PRKG1: variants seen among roughly 807,000 people sequenced by gnomAD.
PRKG1 encodes the protein cGMP-dependent protein kinase 1.
A neutral mutation model predicts 88.1 loss-of-function variants in PRKG1; 35 were observed. The ratio of observed to expected loss-of-function variants is 0.40; its 90% CI spans 0.30 to 0.53. The LOEUF is 0.53. Ranked by LOEUF, PRKG1 falls within the 20% of genes least tolerant of loss-of-function variation. PRKG1 has a pLI of 0.59. For missense variants in PRKG1, 540 were observed against 839.8 expected (o/e 0.64, Z 4.41); for synonymous variants, 303 against 292.5 (o/e 1.04, Z -0.37).
At chr10:52,133,312 C>G (rs1589635567) in intron 7 of PRKG1, among the ~76,000 whole-genome samples, 1 of 152,030 alleles carries the variant, frequency 6.6e-6, no homozygotes, top group East Asian at 1.9e-4. Flanking sequence ...CTTGAAGAAC[C>G]ATAACTTCTG....
chr10:51,820,061 C>A (rs7915353), intron 4 of PRKG1, among the ~76,000 whole-genome samples: 31,771 of 151,828 alleles, frequency 0.21, 5,310 homozygotes, highest in African/African-American at 0.46. Context: ...TTTTATAAAA[C>A]TTATAGAAAC....
At chr10:51,236,015 G>A (rs1297098932) in intron 2 of PRKG1, among the ~76,000 whole-genome samples, 1 of 152,170 alleles carries the variant, frequency 6.6e-6, no homozygotes, top group Non-Finnish European at 1.5e-5. Context: ...AGTTTCTGGT[G>A]TAGCTGCTTT....
intron 1 of PRKG1, among the ~76,000 whole-genome samples, chr10:51,060,152 T>A (rs1173286087): frequency 6.6e-6 from 1 of 151,750 alleles, no homozygotes; most frequent in Non-Finnish European, 1.5e-5. Flanking sequence ...GTGTTTGGAT[T>A]ATATTTACCA....
At chr10:52,190,498 C>T (rs1589687854) in intron 9 of PRKG1, among the ~76,000 whole-genome samples, 1 of 151,980 alleles carries the variant, frequency 6.6e-6, no homozygotes, top group African/African-American at 2.4e-5. Context: ...GCCCTTAGTA[C>T]GTGTCAAGCA....
intron 3 of PRKG1, among the ~76,000 whole-genome samples, chr10:51,772,167 G>A (rs988733288): frequency 6.6e-6 from 1 of 152,048 alleles, no homozygotes; most frequent in Non-Finnish European, 1.5e-5. Flanking sequence ...TTGTAGACCT[G>A]CTGCTATGTA....
chr10:51,728,261 A>C (rs1842183153), intron 3 of PRKG1, among the ~76,000 whole-genome samples: 1 of 152,112 alleles, frequency 6.6e-6, no homozygotes, highest in South Asian at 2.1e-4. Context: ...TTGCAACTGT[A>C]CTAAGATATT....
At chr10:51,200,355 T>A (rs147198900) in intron 2 of PRKG1, among the ~76,000 whole-genome samples, 3 of 152,320 alleles carry the variant, frequency 2.0e-5, no homozygotes, top group Non-Finnish European at 4.4e-5. Context: ...CAATAACAGT[T>A]TGCTAAGAAA....
At chr10:52,105,587 C>G (rs1847398871) in intron 7 of PRKG1, among the ~76,000 whole-genome samples, 1 of 151,856 alleles carries the variant, frequency 6.6e-6, no homozygotes, top group Non-Finnish European at 1.5e-5. Flanking sequence ...TGAACTTGCA[C>G]TTTTATTTAT....
At chr10:51,699,716 C>T (rs770399464) in intron 3 of PRKG1, 26 of 668,236 alleles carry the variant, frequency 3.9e-5, no homozygotes, top group Non-Finnish European at 6.1e-5. Flanking sequence ...CCACTAACAA[C>T]TTATCTAATG....
chr10:51,404,265 A>T (rs775639170), intron 2 of PRKG1, among the ~76,000 whole-genome samples: 24 of 152,236 alleles, frequency 1.6e-4, no homozygotes, highest in Non-Finnish European at 2.9e-4. Context: ...ATCTTCCTTA[A>T]CTTAGTATTT....
intron 2 of PRKG1, among the ~76,000 whole-genome samples, chr10:51,434,390 A>T (rs1269764917): frequency 6.6e-6 from 1 of 152,122 alleles, no homozygotes; most frequent in Non-Finnish European, 1.5e-5. Context: ...TCTGGCATTG[A>T]TAAAGGTATC....
In PRKG1 at chr10:51,329,981, T is replaced by G. The variant is rs61852088; in HGVS notation, c.479-137742T>G. On this transcript the variant is annotated intron_variant, in intron 2 of 17. Coordinates refer to ENST00000373980, the MANE Select transcript of PRKG1 (RefSeq NM_006258.4). ...TGATTGGAGACTTTTGGCCTTGTAC[T>G]TAGATACTTACATCATTCTCCAGAT... Among the ~76,000 whole-genome samples the G allele has an allele frequency of 6.5e-3, 983 of 150,854 alleles. 3 individuals carry two copies. Among genetic ancestry groups the G allele is most frequent in the Non-Finnish European group, 9.2e-3 (620 of 67,686 alleles).
intron 3 of PRKG1, among the ~76,000 whole-genome samples, chr10:51,739,172 C>T (rs994572757): frequency 2.1e-4 from 32 of 152,188 alleles, no homozygotes; most frequent in Admixed American, 2.0e-4. Context: ...ATCGTAATTG[C>T]CATGCATCCT....
intron 3 of PRKG1, among the ~76,000 whole-genome samples, chr10:51,637,755 C>T (rs1326053519): frequency 6.6e-6 from 1 of 152,106 alleles, no homozygotes; most frequent in Non-Finnish European, 1.5e-5. Flanking sequence ...ACTACACACA[C>T]TGGGGCCTGT....
At chr10:51,435,437 T>TATATGTCATATGAC (rs1491081744) in intron 2 of PRKG1, among the ~76,000 whole-genome samples, 3 of 151,790 alleles carry the variant, frequency 2.0e-5, no homozygotes, top group Admixed American at 6.6e-5. Flanking sequence ...TATATATATA[T>TATATGTCATATGAC]ATATATGTCA....
intron 4 of PRKG1, among the ~76,000 whole-genome samples, chr10:51,878,908 A>T (rs1471665872): frequency 1.3e-5 from 2 of 152,198 alleles, no homozygotes; most frequent in Admixed American, 6.5e-5. Context: ...TGAGTCACTT[A>T]TTTAAGAACC....
intron 4 of PRKG1, among the ~76,000 whole-genome samples, chr10:51,839,343 A>AG (rs1455118344): frequency 6.6e-6 from 1 of 152,184 alleles, no homozygotes; most frequent in Non-Finnish European, 1.5e-5. Flanking sequence ...TTAGCGTAGA[A>AG]GCCAACAAAT....
chr10:51,032,251 C>G (rs1428017491), intron 1 of PRKG1, among the ~76,000 whole-genome samples: 1 of 152,138 alleles, frequency 6.6e-6, no homozygotes, highest in East Asian at 1.9e-4. Flanking sequence ...ATTGGCACCA[C>G]CCCTCTGCTG....
chr10:51,383,900 T>C (rs1410108063), intron 2 of PRKG1, among the ~76,000 whole-genome samples: 3 of 152,214 alleles, frequency 2.0e-5, no homozygotes, highest in African/African-American at 7.2e-5. Flanking sequence ...AAAGGTTGCT[T>C]GTACTTCTTT....
Sources: gnomAD v4.1 joint callset for allele counts (sites outside exome capture counted in the v4.1 genomes callset) on GRCh38, gnomAD v4.1.1 for gene constraint, MANE v1.5 for transcripts, NCBI Gene and HGNC (gene_info 2026-07-23, HGNC 2026-07-21) for gene names.